PIP4K2A: variants seen among roughly 807,000 people sequenced by gnomAD.
PIP4K2A encodes phosphatidylinositol 5-phosphate 4-kinase type-2 alpha.
In PIP4K2A, 14 loss-of-function variants were observed where a neutral mutation model predicts 42.9. The ratio of observed to expected loss-of-function variants is 0.33; its 90% CI spans 0.22 to 0.51. PIP4K2A has a LOEUF of 0.51. PIP4K2A is among the 20% of genes least tolerant of loss of function. PIP4K2A has a pLI of 0.97. For synonymous variants in PIP4K2A, 192 were observed against 192.2 expected, an observed-to-expected ratio of 1.00 and a Z score of 0.01; for missense variants, 434 against 519.8, an observed-to-expected ratio of 0.83 and a Z score of 1.61.
chr10:22,536,534 C>T lies in PIP4K2A; in HGVS notation c.*667G>A, dbSNP rs1036976292. The T allele has an allele frequency of 4.6e-4, 75 of 164,706 alleles. No individual in the cohort carries two copies. Among genetic ancestry groups the T allele is most frequent in the African/African-American group, 1.8e-3 (75 of 41,918 alleles). 10.2% of individuals were successfully genotyped at this position (164,706 alleles called of 1,614,324 possible). On this transcript the variant is annotated 3_prime_UTR_variant, in exon 10 of 10. Transcript: ENST00000376573. ...AACCCTGAACCAGTACACACGGAGACGCCAGCATTCTTCCGTCCAGTGCTG... is the reference window on the plus strand; with the variant it reads ...AACCCTGAACCAGTACACACGGAGATGCCAGCATTCTTCCGTCCAGTGCTG...
intron 1 of PIP4K2A, among the ~76,000 whole-genome samples, chr10:22,646,531 G>C (rs899781669): frequency 2.6e-5 from 4 of 152,110 alleles, no homozygotes; most frequent in Non-Finnish European, 5.9e-5. Context: ...TCTCTGAAAA[G>C]ACAGGAAGCA....
At chr10:22,577,077 C>CA (rs5783800) in intron 4 of PIP4K2A, among the ~76,000 whole-genome samples, 1,429 of 76,392 alleles carry the variant, frequency 0.019, 22 homozygotes, top group Middle Eastern at 0.073. Flanking sequence ...ACTCCTGTCT[C>CA]AAAAAAAAAA....
chr10:22,604,654 A>C (rs1428317561), intron 3 of PIP4K2A, among the ~76,000 whole-genome samples: 1 of 152,132 alleles, frequency 6.6e-6, no homozygotes, highest in Non-Finnish European at 1.5e-5. Context: ...CACATTGATA[A>C]GCTCAGAAAG....
chr10:22,689,300 AAAC>A (rs1468701104), intron 1 of PIP4K2A, among the ~76,000 whole-genome samples: 2 of 152,162 alleles, frequency 1.3e-5, no homozygotes, highest in Non-Finnish European at 2.9e-5. Context: ...TATTTTTAAA[AAAC>A]AACAACAAAA....
At chr10:22,547,808 G>A (rs1460223969) in intron 7 of PIP4K2A, among the ~76,000 whole-genome samples, 1 of 152,204 alleles carries the variant, frequency 6.6e-6, no homozygotes, top group Non-Finnish European at 1.5e-5. Context: ...ATCTGTGTGT[G>A]TGTTTGTGTG....
intron 1 of PIP4K2A, among the ~76,000 whole-genome samples, chr10:22,698,506 A>G (rs1840012887): frequency 6.6e-6 from 1 of 152,230 alleles, no homozygotes; most frequent in African/African-American, 2.4e-5. Flanking sequence ...TCATACAGGG[A>G]GATGCTGACA....
chr10:22,579,971 G>A (rs948951435), intron 4 of PIP4K2A, among the ~76,000 whole-genome samples: 1 of 151,890 alleles, frequency 6.6e-6, no homozygotes, highest in South Asian at 2.1e-4. Context: ...TGAATGTGGA[G>A]ATAAGGGAAA....
chr10:22,652,102 A>C (rs556321487), intron 1 of PIP4K2A, among the ~76,000 whole-genome samples: 1 of 150,964 alleles, frequency 6.6e-6, no homozygotes, highest in South Asian at 2.1e-4. Flanking sequence ...GTCATGAAAT[A>C]ACTGAAAAAC....
At chr10:22,560,205 C>A (rs1836652610) in intron 6 of PIP4K2A, among the ~76,000 whole-genome samples, 1 of 152,122 alleles carries the variant, frequency 6.6e-6, no homozygotes, top group South Asian at 2.1e-4. Flanking sequence ...AATTGAGGGC[C>A]TAAAAAGCTT....
At chr10:22,692,716 C>T (rs1839897744) in intron 1 of PIP4K2A, among the ~76,000 whole-genome samples, 1 of 152,180 alleles carries the variant, frequency 6.6e-6, no homozygotes, top group African/African-American at 2.4e-5. Context: ...AGAGATGGAA[C>T]AGCCCTTCAT....
intron 1 of PIP4K2A, among the ~76,000 whole-genome samples, chr10:22,649,985 A>G (rs1838959442): frequency 6.6e-6 from 1 of 152,170 alleles, no homozygotes; most frequent in South Asian, 2.1e-4. Flanking sequence ...TCATGGTTCT[A>G]TCTGCCTTCC....
At chr10:22,558,521 T>G (rs756295447) in intron 6 of PIP4K2A, among the ~76,000 whole-genome samples, 1 of 152,156 alleles carries the variant, frequency 6.6e-6, no homozygotes, top group African/African-American at 2.4e-5. Context: ...AAAAGGCAAA[T>G]TAGTGGATAC....
chr10:22,574,444 GTTT>G (rs765734098), intron 4 of PIP4K2A, among the ~76,000 whole-genome samples: 10 of 142,350 alleles, frequency 7.0e-5, no homozygotes, highest in African/African-American at 1.0e-4. Flanking sequence ...TTCATTTTCT[GTTT>G]TTTTTTTTTT....
At chr10:22,608,154 C>T (rs1034129161) in intron 2 of PIP4K2A, 131 bp from the exon 3 acceptor site, 1 of 576,374 alleles carries the variant, frequency 1.7e-6, no homozygotes, top group African/African-American at 1.9e-5. Flanking sequence ...GGTGTGCTTC[C>T]TAGAACCAGG....
chr10:22,584,150 A>C (rs1448905046), intron 4 of PIP4K2A, among the ~76,000 whole-genome samples: 3 of 152,094 alleles, frequency 2.0e-5, no homozygotes, highest in Non-Finnish European at 4.4e-5. Flanking sequence ...GGAATTACAG[A>C]GGTGGGAACT....
intron 1 of PIP4K2A, among the ~76,000 whole-genome samples, 153 bp from the exon 2 acceptor site, chr10:22,609,870 T>C (rs1035200899): frequency 2.0e-5 from 3 of 151,486 alleles, no homozygotes; most frequent in Non-Finnish European, 4.4e-5. Flanking sequence ...CATCATAATC[T>C]CTCTTCCTGC....
At chr10:22,586,061 TG>T (rs1236653189) in intron 4 of PIP4K2A, among the ~76,000 whole-genome samples, 2 of 152,372 alleles carry the variant, frequency 1.3e-5, no homozygotes, top group African/African-American at 4.8e-5. Flanking sequence ...GTTCTAACAT[TG>T]TTTAGTTAAT....
At chr10:22,697,920 A>C (rs1840003103) in intron 1 of PIP4K2A, among the ~76,000 whole-genome samples, 1 of 152,206 alleles carries the variant, frequency 6.6e-6, no homozygotes, top group Non-Finnish European at 1.5e-5. Context: ...TAGTCTACTT[A>C]CATGGGAAGA....
intron 1 of PIP4K2A, among the ~76,000 whole-genome samples, chr10:22,641,570 T>C (rs1838783864): frequency 6.6e-6 from 1 of 151,770 alleles, no homozygotes; most frequent in Non-Finnish European, 1.5e-5. Context: ...ATGTCCCAAG[T>C]AGCTGGGACT....
Sources: allele counts gnomAD v4.1 joint callset (sites outside exome capture counted in the v4.1 genomes callset), GRCh38; gene constraint gnomAD v4.1.1; transcripts MANE v1.5; gene names NCBI Gene and HGNC (gene_info 2026-07-23, HGNC 2026-07-21).